CDH13: variants seen among roughly 807,000 people sequenced by gnomAD.
CDH13 encodes the protein cadherin 13, also known as cadherin-13.
In CDH13, 24 loss-of-function variants were observed where a neutral mutation model predicts 63.8. The ratio of observed to expected loss-of-function variants is 0.38; its 90% CI spans 0.27 to 0.53. The LOEUF is 0.53. Among genes scored for constraint, CDH13 ranks in the 20% least tolerant of loss-of-function variants. The pLI, the probability that CDH13 is intolerant of heterozygous loss-of-function variation, is 0.85. For missense variants in CDH13, 1,049 were observed against 903.1 expected (o/e 1.16, Z -2.07); for synonymous variants, 503 against 355.3 (o/e 1.42, Z -4.67).
intron 1 of CDH13, among the ~76,000 whole-genome samples, chr16:82,759,861 G>A (rs1238096390): frequency 6.6e-6 from 1 of 152,004 alleles, no homozygotes. Flanking sequence ...CCATAATTCA[G>A]CAGATTCACC....
chr16:82,983,249 C>T (rs563331446), intron 2 of CDH13, among the ~76,000 whole-genome samples: 1 of 152,310 alleles, frequency 6.6e-6, no homozygotes, highest in East Asian at 1.9e-4. Context: ...ACTTAGCCTT[C>T]CTTTCCTCTC....
intron 11 of CDH13, among the ~76,000 whole-genome samples, chr16:83,755,566 A>G (rs527415582): frequency 6.5e-4 from 99 of 152,354 alleles, no homozygotes; most frequent in African/African-American, 2.3e-3. Context: ...TGAGAATAAA[A>G]GAGGCATTTA....
At chr16:83,334,678 A>G (rs994996094) in intron 5 of CDH13, among the ~76,000 whole-genome samples, 3 of 152,054 alleles carry the variant, frequency 2.0e-5, no homozygotes, top group African/African-American at 7.3e-5. Context: ...ACCTGGCCCA[A>G]TCTCTGTTTT....
intron 7 of CDH13, among the ~76,000 whole-genome samples, chr16:83,582,191 C>G (rs1905676547): frequency 6.6e-6 from 1 of 152,168 alleles, no homozygotes; most frequent in South Asian, 2.1e-4. Context: ...GCATTTTAGG[C>G]TGATCAGACT....
chr16:83,145,110 A>G (rs544130651), intron 4 of CDH13, among the ~76,000 whole-genome samples: 2 of 152,276 alleles, frequency 1.3e-5, no homozygotes, highest in Admixed American at 6.5e-5. Context: ...TGCTCCTCCA[A>G]TTTATTTGTC....
intron 10 of CDH13, chr16:83,726,015 T>A (rs1910340468): frequency 6.6e-6 from 1 of 152,246 alleles, no homozygotes; most frequent in South Asian, 2.1e-4. Context: ...CTTTCCTGAC[T>A]TTATTTTTCT....
intron 4 of CDH13, among the ~76,000 whole-genome samples, chr16:83,169,085 A>G (rs890168289): frequency 2.0e-5 from 3 of 152,168 alleles, no homozygotes; most frequent in Non-Finnish European, 2.9e-5. Flanking sequence ...CATAATTATC[A>G]AACTTTTTTG....
intron 3 of CDH13, among the ~76,000 whole-genome samples, chr16:83,079,916 C>G (rs890900045): frequency 2.6e-5 from 4 of 152,210 alleles, no homozygotes; most frequent in Non-Finnish European, 5.9e-5. Context: ...CAGCCTAATG[C>G]TGATAGACAA....
intron 2 of CDH13, among the ~76,000 whole-genome samples, chr16:82,975,255 A>T (rs1380991023): frequency 6.6e-6 from 1 of 152,178 alleles, no homozygotes; most frequent in African/African-American, 2.4e-5. Flanking sequence ...GAAAGCAGAG[A>T]TAAGGCTCCC....
intron 1 of CDH13, among the ~76,000 whole-genome samples, chr16:82,856,237 A>C (rs2039680287): frequency 6.6e-6 from 1 of 151,774 alleles, no homozygotes. Context: ...TTAGCCGGGT[A>C]TGGTGGCGGG....
At chr16:83,418,287 C>T (rs1423284097) in intron 6 of CDH13, among the ~76,000 whole-genome samples, 1 of 152,108 alleles carries the variant, frequency 6.6e-6, no homozygotes, top group East Asian at 1.9e-4. Context: ...CAGCAGCTGG[C>T]ACTTGTCAGT....
intron 8 of CDH13, among the ~76,000 whole-genome samples, chr16:83,646,692 C>CAAAAAAA (rs199756336): frequency 1.4e-4 from 10 of 72,670 alleles, no homozygotes; most frequent in East Asian, 4.4e-4. Flanking sequence ...GACTCCGTCT[C>CAAAAAAA]AAAAAAAAAA....
chr16:83,205,693 C>T (rs1405051154), intron 4 of CDH13, among the ~76,000 whole-genome samples: 5 of 151,078 alleles, frequency 3.3e-5, no homozygotes, highest in Non-Finnish European at 5.9e-5. Flanking sequence ...CAACCTCCAC[C>T]TCCTGATTTC....
At chr16:82,645,239 A>G (rs1255431043) in intron 1 of CDH13, among the ~76,000 whole-genome samples, 1 of 152,160 alleles carries the variant, frequency 6.6e-6, no homozygotes, top group Non-Finnish European at 1.5e-5. Flanking sequence ...CTCTGGACCT[A>G]GAGAATGAAA....
Position 83,018,635 on chromosome 16 carries a change from G to A in CDH13, c.158-13375G>A, listed in dbSNP as rs2151450018. On this transcript the variant is annotated intron_variant, in intron 2 of 13. Coordinates refer to ENST00000567109, the MANE Select transcript of CDH13 (RefSeq NM_001257.5). ...TGGTCATGCATTGTTTAACCATAGG[G>A]ATATGCTCTGAGAATGCACCACTGG... Among the ~76,000 whole-genome samples, 2 of 152,258 alleles carry A rather than the reference G, an allele frequency of 1.3e-5. 1 individual carries two copies.
At chr16:83,012,695 C>G (rs1039548707) in intron 2 of CDH13, among the ~76,000 whole-genome samples, 1 of 152,112 alleles carries the variant, frequency 6.6e-6, no homozygotes, top group Non-Finnish European at 1.5e-5. Context: ...TTGTTTGGTT[C>G]TAAATTAAAT....
intron 1 of CDH13, among the ~76,000 whole-genome samples, chr16:82,759,087 G>A (rs887877485): frequency 6.6e-6 from 1 of 152,180 alleles, no homozygotes; most frequent in African/African-American, 2.4e-5. Flanking sequence ...ATGTGGGGAA[G>A]CTGGCTCCCT....
intron 2 of CDH13, among the ~76,000 whole-genome samples, chr16:82,979,101 C>T (rs911807257): frequency 1.3e-5 from 2 of 152,210 alleles, no homozygotes; most frequent in African/African-American, 4.8e-5. Context: ...GGATTCTAGA[C>T]TTGCATGGGG....
At position 82,729,749 on chromosome 16, in the gene CDH13, A is replaced by G. The variant is rs113279991; in HGVS notation, c.45+102612A>G. The stretch of plus-strand genomic sequence containing the variant: ...TGAAGCCAGGCAGTGACTTCTCTCT[A>G]TCTAGGCAATTCCTAGATGGCATCT... On this transcript the variant is annotated intron_variant, in intron 1 of 13. Coordinates refer to ENST00000567109, the MANE Select transcript of CDH13 (RefSeq NM_001257.5). 2.6e-5 allele frequency among the ~76,000 whole-genome samples: 4 copies of G among 152,120 alleles called. No individual in the cohort carries two copies. The South Asian group carries it at 6.2e-4, about 24-fold the overall frequency.
Sources: gnomAD v4.1 joint callset for allele counts (sites outside exome capture counted in the v4.1 genomes callset) on GRCh38, gnomAD v4.1.1 for gene constraint, MANE v1.5 for transcripts, NCBI Gene and HGNC (gene_info 2026-07-23, HGNC 2026-07-21) for gene names.